The following CACNA2D3 variants were observed in gnomAD, a reference collection of about 807,000 sequenced individuals.
The protein encoded by CACNA2D3 is voltage-dependent calcium channel subunit alpha-2/delta-3.
Under a neutral mutation model 160.6 loss-of-function variants are expected in CACNA2D3, and 60 were observed. The ratio of observed to expected loss-of-function variants is 0.37; its 90% confidence interval spans 0.30 to 0.46. CACNA2D3 has a LOEUF of 0.46. Ranked by LOEUF, CACNA2D3 falls within the 20% of genes least tolerant of loss-of-function variation. CACNA2D3 has a pLI of 1.00. For missense variants in CACNA2D3, 1,205 were observed against 1,365.0 expected, an observed-to-expected ratio of 0.88 and a Z score of 1.85; for synonymous variants, 558 against 492.9, an observed-to-expected ratio of 1.13 and a Z score of -1.75.
chr3:54,751,660 G>A (rs1701859095), intron 11 of CACNA2D3, among the ~76,000 whole-genome samples: 1 of 152,156 alleles, frequency 6.6e-6, no homozygotes, highest in South Asian at 2.1e-4. Flanking sequence ...AGCAATAGGA[G>A]CACTTGACCC....
At chr3:54,686,044 T>C (rs1191671175) in intron 11 of CACNA2D3, among the ~76,000 whole-genome samples, 1 of 152,222 alleles carries the variant, frequency 6.6e-6, no homozygotes, top group Non-Finnish European at 1.5e-5. Context: ...CAGTTTGAAT[T>C]GTCTCGATTC....
At chr3:54,312,299 G>A (rs1186289295) in intron 2 of CACNA2D3, among the ~76,000 whole-genome samples, 3 of 152,160 alleles carry the variant, frequency 2.0e-5, no homozygotes, top group African/African-American at 7.2e-5. Context: ...AGTTTTTGAT[G>A]AGAAAATCTA....
intron 4 of CACNA2D3, among the ~76,000 whole-genome samples, chr3:54,467,785 G>T (rs962344116): frequency 2.0e-5 from 3 of 152,146 alleles, no homozygotes; most frequent in Admixed American, 1.3e-4. Flanking sequence ...CAGTTAGGAA[G>T]AATAAATGCT....
At chr3:54,805,805 CAA>C (rs985775052) in intron 13 of CACNA2D3, among the ~76,000 whole-genome samples, 1 of 152,106 alleles carries the variant, frequency 6.6e-6, no homozygotes, top group Non-Finnish European at 1.5e-5. Flanking sequence ...TATCCTCAAT[CAA>C]ATACTGGCAA....
In CACNA2D3 at chr3:54,805,424, C is replaced by T. The variant is rs529749693; in HGVS notation, c.1381-11429C>T. On this transcript the variant is annotated intron_variant, in intron 13 of 37. Coordinates refer to ENST00000474759, the MANE Select transcript of CACNA2D3 (RefSeq NM_018398.3). ...TACCATCAGAGAATACTACAAACACCTCTATGCAAATAAACTAGAAAATCT... is the reference window on the plus strand; with the variant it reads ...TACCATCAGAGAATACTACAAACACTTCTATGCAAATAAACTAGAAAATCT... Among the ~76,000 whole-genome samples, 253 of 152,290 alleles carry T rather than the reference C, an allele frequency of 1.7e-3. 1 individual carries two copies. Among genetic ancestry groups the T allele is most frequent in the Admixed American group, 0.015 (229 of 15,298 alleles).
intron 13 of CACNA2D3, among the ~76,000 whole-genome samples, chr3:54,807,361 A>G (rs1326914287): frequency 6.6e-6 from 1 of 152,232 alleles, no homozygotes; most frequent in Non-Finnish European, 1.5e-5. Flanking sequence ...TTTACAAGAA[A>G]AAAACAAACA....
intron 2 of CACNA2D3, among the ~76,000 whole-genome samples, chr3:54,183,919 A>AAAAAAAAAAAAAAAAT (rs1700831875): frequency 8.1e-6 from 1 of 122,990 alleles, no homozygotes; most frequent in Non-Finnish European, 1.7e-5. Flanking sequence ...AAAAAAAAAA[A>AAAAAAAAAAAAAAAAT]AGAAGAGCCT....
chr3:54,602,906 G>C (rs1703089999), intron 9 of CACNA2D3, among the ~76,000 whole-genome samples: 1 of 152,162 alleles, frequency 6.6e-6, no homozygotes, highest in Non-Finnish European at 1.5e-5. Context: ...ATTGCAGAAA[G>C]GGCCTGGAAT....
chr3:54,881,983 C>T (rs1453190490), intron 21 of CACNA2D3, among the ~76,000 whole-genome samples: 8 of 152,086 alleles, frequency 5.3e-5, no homozygotes, highest in South Asian at 4.1e-4. Context: ...CTTGTGAGAT[C>T]GTATAGGGGC....
At chr3:54,695,195 T>C (rs1700642997) in intron 11 of CACNA2D3, among the ~76,000 whole-genome samples, 1 of 152,140 alleles carries the variant, frequency 6.6e-6, no homozygotes, top group Admixed American at 6.5e-5. Flanking sequence ...TTTTTGTATT[T>C]TTAGTAGAGA....
chr3:54,475,897 T>A (rs76286057), intron 4 of CACNA2D3, among the ~76,000 whole-genome samples: 1 of 150,368 alleles, frequency 6.7e-6, no homozygotes. Flanking sequence ...ATTCAGTGCA[T>A]TAGTATTAAC....
At chr3:54,146,458 G>A (rs1700030540) in intron 2 of CACNA2D3, among the ~76,000 whole-genome samples, 1 of 152,248 alleles carries the variant, frequency 6.6e-6, no homozygotes, top group South Asian at 2.1e-4. Context: ...AGCTGCAGCT[G>A]ATAAGCTAGG....
intron 9 of CACNA2D3, among the ~76,000 whole-genome samples, chr3:54,618,914 T>A (rs1698921996): frequency 6.6e-6 from 1 of 152,234 alleles, no homozygotes. Flanking sequence ...GAATTGAAAC[T>A]GACTTCAGTC....
chr3:54,459,674 C>T (rs1012849371), intron 4 of CACNA2D3, among the ~76,000 whole-genome samples: 19 of 151,614 alleles, frequency 1.3e-4, no homozygotes, highest in African/African-American at 4.6e-4. Flanking sequence ...GGATATTAGC[C>T]CTTTGTCAGA....
chr3:54,731,831 A>G (rs1701393840), intron 11 of CACNA2D3, among the ~76,000 whole-genome samples: 1 of 152,042 alleles, frequency 6.6e-6, no homozygotes, highest in Non-Finnish European at 1.5e-5. Flanking sequence ...GGAGACAGGT[A>G]TTTAGACGAA....
rs748230548 is a variant in CACNA2D3 at position 54,387,948 on chromosome 3, C to T, written c.381+1174C>T. ...AGATGGCAGTACCAAAGCTGACCAC[C>T]GGCTGCATGTCTCTCTGGAAGATGT... is the stretch of plus-strand genomic sequence containing the variant. On this transcript the variant is annotated intron_variant, in intron 4 of 37. Transcript: ENST00000474759. 3.9e-5 allele frequency among the ~76,000 whole-genome samples: 6 copies of T among 152,172 alleles called. No homozygotes were observed. The East Asian group carries it at 5.8e-4, about 15-fold the overall frequency.
chr3:54,763,726 CAT>C lies in CACNA2D3; in HGVS notation c.1247-485_1247-484del, dbSNP rs1418242407. On this transcript the variant is annotated intron_variant, in intron 12 of 37. Coordinates refer to ENST00000474759, the MANE Select transcript of CACNA2D3 (RefSeq NM_018398.3). ...ATATGTATATATATGTACATATATA[CAT>C]ATATATGTGTATATATGTGCATATA... 8.3e-4 allele frequency among the ~76,000 whole-genome samples: 55 copies of C among 66,520 alleles called. 3 individuals are homozygous for C. Among genetic ancestry groups the C allele is most frequent in the African/African-American group, 2.2e-3 (54 of 24,308 alleles). 43.6% of individuals were successfully genotyped at this position (66,520 alleles called of 152,430 possible).
chr3:54,391,074 G>C (rs185424499), intron 4 of CACNA2D3, among the ~76,000 whole-genome samples: 67 of 151,934 alleles, frequency 4.4e-4, no homozygotes, highest in African/African-American at 1.6e-3. Context: ...CTTAGCTTCC[G>C]TCTTCCCAAA....
intron 14 of CACNA2D3, among the ~76,000 whole-genome samples, chr3:54,827,159 A>G (rs1703765989): frequency 6.6e-6 from 1 of 152,246 alleles, no homozygotes; most frequent in African/African-American, 2.4e-5. Flanking sequence ...GGCATCAGGT[A>G]GACCAAGACT....
Sources: allele counts gnomAD v4.1 joint callset (sites outside exome capture counted in the v4.1 genomes callset), GRCh38; gene constraint gnomAD v4.1.1; transcripts MANE v1.5; gene names NCBI Gene and HGNC (gene_info 2026-07-23, HGNC 2026-07-21).